Variants in TRHDE observed in about 807,000 individuals in gnomAD.
TRHDE encodes thyrotropin releasing hormone degrading enzyme, also known as thyrotropin-releasing hormone-degrading ectoenzyme.
Under a neutral mutation model 125.7 loss-of-function variants are expected in TRHDE, and 72 were observed. The ratio of observed to expected loss-of-function variants is 0.57; its 90% CI spans 0.47 to 0.70. The LOEUF is 0.70. TRHDE is among the 30% of genes least tolerant of loss of function. TRHDE has a pLI of 0.00. For missense variants in TRHDE, 1,110 were observed against 1,327.1 expected, an observed-to-expected ratio of 0.84 and a Z score of 2.54; for synonymous variants, 509 against 509.1, an observed-to-expected ratio of 1.00 and a Z score of 0.00.
At chr12:72,435,546 A>G (rs1160792173) in intron 3 of TRHDE, among the ~76,000 whole-genome samples, 1 of 152,032 alleles carries the variant, frequency 6.6e-6, no homozygotes, top group Non-Finnish European at 1.5e-5. Flanking sequence ...TGATGTTAAT[A>G]ACATTGTCCT....
rs1365642839 is a variant in TRHDE, at chr12:72,287,355, T to C, written c.1188+401T>C. ...ACATGTGGTGAGTAATATAGTAAAC[T>C]CCATACACCTACTAGCCAGATCAAT... On this transcript the variant is annotated intron_variant, in intron 2 of 18. Coordinates refer to ENST00000261180, the MANE Select transcript of TRHDE (RefSeq NM_013381.3). Among the ~76,000 whole-genome samples, 4 of 152,146 alleles carry C rather than the reference T, an allele frequency of 2.6e-5. No homozygotes were observed. In the East Asian group the frequency reaches 7.7e-4, roughly 29 times the overall value.
chr12:72,582,929 T>G (rs1365465554), intron 12 of TRHDE, among the ~76,000 whole-genome samples: 3 of 152,208 alleles, frequency 2.0e-5, no homozygotes, highest in Admixed American at 2.0e-4. Flanking sequence ...GTTTTTACAG[T>G]ACTATACAAA....
intron 2 of TRHDE, among the ~76,000 whole-genome samples, chr12:72,297,858 G>A (rs1049673877): frequency 6.6e-6 from 1 of 152,132 alleles, no homozygotes; most frequent in East Asian, 1.9e-4. Context: ...TGCGGCAGAC[G>A]GAATGGTAGA....
At chr12:72,294,515 G>A (rs1411715446) in intron 2 of TRHDE, among the ~76,000 whole-genome samples, 1 of 152,124 alleles carries the variant, frequency 6.6e-6, no homozygotes, top group Non-Finnish European at 1.5e-5. Flanking sequence ...CCTAGAGTGT[G>A]TTGCTCCTCT....
chr12:72,190,333 C>A (rs1452671771), intron 2 of TRHDE, among the ~76,000 whole-genome samples: 2 of 152,204 alleles, frequency 1.3e-5, no homozygotes, highest in African/African-American at 4.8e-5. Context: ...GGAGCCCTGC[C>A]TGGTAATTGG....
intron 2 of TRHDE, among the ~76,000 whole-genome samples, chr12:72,166,633 T>C (rs1218666997): frequency 6.6e-6 from 1 of 152,216 alleles, no homozygotes; most frequent in Non-Finnish European, 1.5e-5. Flanking sequence ...TGCAGGTTCC[T>C]CTGATGCGCT....
chr12:72,351,304 C>A (rs529510711), intron 2 of TRHDE, among the ~76,000 whole-genome samples: 1 of 151,828 alleles, frequency 6.6e-6, no homozygotes, highest in African/African-American at 2.4e-5. Context: ...CGCCATGTTA[C>A]GAAAGTTTAT....
At chr12:72,275,412 A>G (rs1001263584) in intron 1 of TRHDE, among the ~76,000 whole-genome samples, 14 of 152,210 alleles carry the variant, frequency 9.2e-5, no homozygotes, top group African/African-American at 3.4e-4. Context: ...TACTCCTGAC[A>G]TTAGATATGG....
intron 3 of TRHDE, 93 bp from the exon 4 acceptor site, chr12:72,469,665 T>C: frequency 1.4e-6 from 2 of 1,385,156 alleles, no homozygotes; most frequent in Non-Finnish European, 2.0e-6. Context: ...CAAGTATTCC[T>C]TATAATTAGG....
intron 15 of TRHDE, among the ~76,000 whole-genome samples, chr12:72,626,396 G>T (rs1414417731): frequency 1.3e-5 from 2 of 151,770 alleles, no homozygotes; most frequent in Non-Finnish European, 2.9e-5. Flanking sequence ...ACTATCTTTG[G>T]GTAGTGGGTC....
chr12:72,649,428 G>A (rs1874415522), intron 15 of TRHDE, among the ~76,000 whole-genome samples: 1 of 152,014 alleles, frequency 6.6e-6, no homozygotes, highest in Admixed American at 6.6e-5. Context: ...GTTAAATGGG[G>A]CCCCAAACTG....
At chr12:72,430,316 T>A (rs1257586139) in intron 3 of TRHDE, among the ~76,000 whole-genome samples, 2 of 143,448 alleles carry the variant, frequency 1.4e-5, no homozygotes, top group Non-Finnish European at 3.0e-5. Context: ...TATGTATATA[T>A]ACATGTATAC....
chr12:72,293,765 G>A lies in TRHDE; in HGVS notation c.1188+6811G>A, dbSNP rs146514203. On this transcript the variant is annotated intron_variant, in intron 2 of 18. Transcript: ENST00000261180. ...TTCTGGCTGGGAACCTGTGGCCAATGGCACTTTTGCCTGAGTTTTGCTTGT... is the reference window on the plus strand; with the variant it reads ...TTCTGGCTGGGAACCTGTGGCCAATAGCACTTTTGCCTGAGTTTTGCTTGT... Among the ~76,000 whole-genome samples the A allele has an allele frequency of 7.0e-3, 1,059 of 152,258 alleles. 5 individuals carry two copies. The highest frequency in any genetic ancestry group is 0.012 in the South Asian group (59 of 4,822).
chr12:72,507,037 C>T (rs1878384520), intron 6 of TRHDE, among the ~76,000 whole-genome samples: 1 of 152,146 alleles, frequency 6.6e-6, no homozygotes, highest in African/African-American at 2.4e-5. Flanking sequence ...TCTTCTTCCT[C>T]TTGCTCAAGC....
At chr12:72,633,021 C>T (rs1356118513) in intron 15 of TRHDE, among the ~76,000 whole-genome samples, 1 of 151,872 alleles carries the variant, frequency 6.6e-6, no homozygotes, top group African/African-American at 2.4e-5. Context: ...GTTCATCATC[C>T]CTCTTTCTGA....
chr12:72,292,279 T>G (rs1880118465), intron 2 of TRHDE, among the ~76,000 whole-genome samples: 1 of 152,342 alleles, frequency 6.6e-6, no homozygotes, highest in East Asian at 1.9e-4. Context: ...GTCCTGACAG[T>G]GACCTGAATT....
intron 2 of TRHDE, among the ~76,000 whole-genome samples, chr12:72,297,203 T>C (rs1880333219): frequency 6.6e-6 from 1 of 152,136 alleles, no homozygotes; most frequent in Non-Finnish European, 1.5e-5. Flanking sequence ...ATTGGAATCA[T>C]TGGCCATGGT....
intron 2 of TRHDE, among the ~76,000 whole-genome samples, chr12:72,138,208 C>T (rs919785227): frequency 6.6e-6 from 1 of 152,076 alleles, no homozygotes; most frequent in Non-Finnish European, 1.5e-5. Context: ...AACCCTGTCT[C>T]TACTAAAATA....
intron 7 of TRHDE, among the ~76,000 whole-genome samples, chr12:72,557,408 C>T (rs1407249958): frequency 6.6e-6 from 1 of 152,098 alleles, no homozygotes; most frequent in Non-Finnish European, 1.5e-5. Flanking sequence ...AATAAATACT[C>T]CTATTTTAAA....
Sources: gnomAD v4.1 joint callset for allele counts (sites outside exome capture counted in the v4.1 genomes callset) on GRCh38, gnomAD v4.1.1 for gene constraint, MANE v1.5 for transcripts, NCBI Gene and HGNC (gene_info 2026-07-23, HGNC 2026-07-21) for gene names.